The following BMP6 variants were observed in gnomAD, a reference collection of about 807,000 sequenced individuals.
The protein encoded by BMP6 is bone morphogenetic protein 6, also known as VG-1-R.
In BMP6, 17 loss-of-function variants were observed where a neutral mutation model predicts 54.1. The observed-to-expected ratio is 0.31, with a 90% confidence interval of 0.22 to 0.47. The LOEUF (loss-of-function observed/expected upper bound fraction) is 0.47, where lower values mean the gene tolerates loss of function less well. BMP6 is among the 20% of genes least tolerant of loss of function. BMP6 has a pLI of 1.00. For missense variants in BMP6, 720 were observed against 690.4 expected (o/e 1.04, Z -0.48); for synonymous variants, 328 against 291.2 (o/e 1.13, Z -1.28).
chr6:7,870,627 A>C (rs200971759), intron 4 of BMP6, among the ~76,000 whole-genome samples: 68 of 151,866 alleles, frequency 4.5e-4, no homozygotes, highest in Middle Eastern at 3.4e-3. Context: ...TTTTTTTAAA[A>C]AACAACAACA....
At chr6:7,819,259 GT>G (rs1758572881) in intron 1 of BMP6, among the ~76,000 whole-genome samples, 1 of 152,170 alleles carries the variant, frequency 6.6e-6, no homozygotes, top group African/African-American at 2.4e-5. Context: ...GTCTGTCCCA[GT>G]TTTAGCAGCT....
intron 1 of BMP6, among the ~76,000 whole-genome samples, chr6:7,727,911 C>A (rs905549623): frequency 1.6e-4 from 23 of 145,060 alleles, no homozygotes; most frequent in Admixed American, 4.7e-4. Flanking sequence ...TTTGCGGACT[C>A]CCTGAGCACG....
chr6:7,834,208 G>GAAA (rs1247977108), intron 1 of BMP6, among the ~76,000 whole-genome samples: 1 of 131,706 alleles, frequency 7.6e-6, no homozygotes, highest in African/African-American at 2.8e-5. Flanking sequence ...TTTTTTTTAG[G>GAAA]AAAAAAAAGT....
At chr6:7,870,711 T>G (rs1759510847) in intron 4 of BMP6, among the ~76,000 whole-genome samples, 2 of 152,190 alleles carry the variant, frequency 1.3e-5, no homozygotes, top group Admixed American at 1.3e-4. Flanking sequence ...CACTGCAACC[T>G]CTGCCTCCCG....
At position 7,727,416 on chromosome 6, in the gene BMP6, A is replaced by T; in HGVS notation, c.461A>T (p.Glu154Val). Residue 154 changes from glutamate to valine, a missense_variant, in exon 1 of 7, where the codon GAG becomes GTG. This residue lies in a region of BMP6 where 650 missense variants were observed against 556.3 expected (regional missense o/e 1.17). Coordinates refer to ENST00000283147, the MANE Select transcript of BMP6 (RefSeq NM_001718.6). ...SADNDEDGAS[E>V]GERQQSWPHE... ...GACAACGACGAGGACGGGGCGTCGG[A>T]GGGGGAGAGGCAGCAGTCCTGGCCC... 6.2e-7 allele frequency: 1 copy of T among 1,606,998 alleles called. No homozygotes were observed. Among genetic ancestry groups the T allele is most frequent in the Non-Finnish European group, 8.5e-7 (1 of 1,177,744 alleles).
chr6:7,784,874 G>T (rs1053581987), intron 1 of BMP6, among the ~76,000 whole-genome samples: 5 of 152,152 alleles, frequency 3.3e-5, no homozygotes, highest in African/African-American at 1.2e-4. Context: ...CCTTGCTGGG[G>T]CTGCAGAGTT....
chr6:7,780,337 C>T (rs1413043946), intron 1 of BMP6, among the ~76,000 whole-genome samples: 2 of 152,054 alleles, frequency 1.3e-5, no homozygotes, highest in Non-Finnish European at 2.9e-5. Flanking sequence ...CACCTGAGGT[C>T]AGGAGCCCAA....
chr6:7,839,489 T>G (rs1462289450), intron 1 of BMP6, among the ~76,000 whole-genome samples: 1 of 152,224 alleles, frequency 6.6e-6, no homozygotes, highest in Non-Finnish European at 1.5e-5. Flanking sequence ...CCATAGCCCC[T>G]GGTATACCAT....
At chr6:7,729,245 T>A (rs754174481) in intron 1 of BMP6, among the ~76,000 whole-genome samples, 14 of 152,194 alleles carry the variant, frequency 9.2e-5, no homozygotes, top group Non-Finnish European at 8.8e-5. Context: ...CTGTTCCTTA[T>A]TCTAACTTTT....
intron 1 of BMP6, among the ~76,000 whole-genome samples, chr6:7,780,210 G>A (rs900011616): frequency 6.6e-6 from 1 of 152,194 alleles, no homozygotes; most frequent in African/African-American, 2.4e-5. Context: ...CCTAGTGGGT[G>A]TTAGACTGTT....
At chr6:7,808,511 G>A (rs973297490) in intron 1 of BMP6, among the ~76,000 whole-genome samples, 1 of 152,056 alleles carries the variant, frequency 6.6e-6, no homozygotes, top group African/African-American at 2.4e-5. Context: ...TTTAAACTTT[G>A]CATTTATTCT....
At chr6:7,827,411 A>T (rs1483602294) in intron 1 of BMP6, among the ~76,000 whole-genome samples, 1 of 152,230 alleles carries the variant, frequency 6.6e-6, no homozygotes, top group Non-Finnish European at 1.5e-5. Context: ...CACCAATAAT[A>T]AAGTACAATG....
intron 1 of BMP6, among the ~76,000 whole-genome samples, chr6:7,746,840 G>T (rs1017228692): frequency 3.9e-5 from 6 of 152,132 alleles, no homozygotes; most frequent in African/African-American, 1.4e-4. Flanking sequence ...AGTGAGCTGG[G>T]CCTTGTTCAC....
intron 1 of BMP6, among the ~76,000 whole-genome samples, chr6:7,815,996 C>G (rs981743921): frequency 2.9e-4 from 44 of 152,192 alleles, no homozygotes; most frequent in African/African-American, 1.0e-3. Flanking sequence ...ATGGCCTAAG[C>G]TGTGCTTGTT....
chr6:7,817,752 A>G (rs895795100), intron 1 of BMP6, among the ~76,000 whole-genome samples: 5 of 152,234 alleles, frequency 3.3e-5, no homozygotes, highest in African/African-American at 1.2e-4. Context: ...GATGTTTTAA[A>G]GCTGAATTGA....
chr6:7,861,592 A>C lies in BMP6; in HGVS notation c.999A>C (p.Thr333=). 1 of 1,614,124 alleles carries C rather than the reference A, an allele frequency of 6.2e-7. No homozygotes were observed. Among genetic ancestry groups the C allele is most frequent in the Non-Finnish European group, 8.5e-7 (1 of 1,180,004 alleles). The change falls in exon 3 of 7, where the codon ACA becomes ACC. Residue 333 remains threonine (T), a synonymous_variant. Transcript: ENST00000283147. ...HNMGLQLSVV[T]RDGVHVHPRA... ...TGGGGCTTCAGCTGAGCGTGGTGAC[A>C]AGGGATGGTAAGTTATTATCCGCAA...
chr6:7,730,362 T>C (rs894878005), intron 1 of BMP6, among the ~76,000 whole-genome samples: 1 of 152,172 alleles, frequency 6.6e-6, no homozygotes, highest in Non-Finnish European at 1.5e-5. Flanking sequence ...GTAGTGCAAT[T>C]CCAGGCCCCA....
At chr6:7,742,346 T>C (rs1189827420) in intron 1 of BMP6, among the ~76,000 whole-genome samples, 1 of 152,226 alleles carries the variant, frequency 6.6e-6, no homozygotes, top group Non-Finnish European at 1.5e-5. Context: ...GGCAGAAAGC[T>C]TCGAGCTTTC....
intron 1 of BMP6, among the ~76,000 whole-genome samples, chr6:7,790,301 G>C (rs1758076268): frequency 6.6e-6 from 1 of 151,946 alleles, no homozygotes; most frequent in Non-Finnish European, 1.5e-5. Context: ...GATCTCTTTA[G>C]TCCGGGAGTT....
Sources: allele counts gnomAD v4.1 joint callset (sites outside exome capture counted in the v4.1 genomes callset), GRCh38; gene constraint gnomAD v4.1.1; regional missense constraint gnomAD v4.1.1; transcripts MANE v1.5; gene names NCBI Gene and HGNC (gene_info 2026-07-23, HGNC 2026-07-21).